Variants in NFASC observed in about 807,000 individuals in gnomAD.
NFASC encodes the protein neurofascin.
NFASC carries 43 observed loss-of-function variants against 147.5 expected under a neutral mutation model. The observed-to-expected ratio is 0.29, with a 90% confidence interval of 0.23 to 0.38. NFASC has a LOEUF of 0.38. NFASC is among the 10% of genes least tolerant of loss of function. NFASC has a pLI of 1.00. For synonymous variants in NFASC, 622 were observed against 665.5 expected, an observed-to-expected ratio of 0.93 and a Z score of 1.01; for missense variants, 1,320 against 1,689.0, an observed-to-expected ratio of 0.78 and a Z score of 3.83.
At chr1:204,882,274 T>A (rs2080402804) in intron 1 of NFASC, among the ~76,000 whole-genome samples, 1 of 151,934 alleles carries the variant, frequency 6.6e-6, no homozygotes, top group Admixed American at 6.6e-5. Context: ...CAGGCTCATC[T>A]CCATGGTATA....
rs71147722 is a variant in NFASC at position 204,936,204 on chromosome 1, C to CT, written c.-90-8007dup. 7.4e-3 allele frequency among the ~76,000 whole-genome samples: 898 copies of CT among 121,872 alleles called. 10 individuals carry two copies. The highest frequency in any genetic ancestry group is 0.038 in the Middle Eastern group (8 of 208). 80.0% of individuals were successfully genotyped at this position (121,872 alleles called of 152,430 possible). On this transcript the variant is annotated intron_variant, in intron 2 of 29. Transcript: ENST00000339876. ...ATTCCCTCTCTCTCTCTTTCTTTTT[C>CT]TTTTTTTTTTTTTTTGAGATGGAGT... is the stretch of plus-strand genomic sequence containing the variant.
chr1:204,873,286 C>T (rs564922121), intron 1 of NFASC, among the ~76,000 whole-genome samples: 1 of 152,240 alleles, frequency 6.6e-6, no homozygotes, highest in South Asian at 2.1e-4. Context: ...GGACCCTGGG[C>T]CAGCAGTGGT....
Position 204,853,366 on chromosome 1 carries a change from T to G in NFASC, c.-200+24584T>G, listed in dbSNP as rs574383808. ...AGCTCATATTTTTGTATGTTAATCC[T>G]CTTCAACTTTAGTTATTTCCTCTGT... is the stretch of plus-strand genomic sequence containing the variant. On this transcript the variant is annotated intron_variant, in intron 1 of 29. Coordinates refer to ENST00000339876, the MANE Select transcript of NFASC (RefSeq NM_001005388.3). 3.9e-5 allele frequency among the ~76,000 whole-genome samples: 6 copies of G among 152,332 alleles called. 1 individual carries two copies. The South Asian group carries it at 1.2e-3, about 32-fold the overall frequency.
chr1:204,958,873 G>T (rs1465578116), intron 8 of NFASC, among the ~76,000 whole-genome samples: 1 of 152,138 alleles, frequency 6.6e-6, no homozygotes, highest in African/African-American at 2.4e-5. Context: ...GAGAGGTTCA[G>T]GTGAGATCAC....
intron 17 of NFASC, among the ~76,000 whole-genome samples, chr1:204,978,680 G>A (rs942981390): frequency 1.8e-4 from 28 of 152,310 alleles, no homozygotes; most frequent in African/African-American, 4.8e-4. Context: ...CCACCAAGAC[G>A]GAATGGCGTT....
At position 204,985,819 on chromosome 1, in the gene NFASC, A is replaced by G. The variant is rs150543985; in HGVS notation, c.2471-1599A>G. 344 of 799,204 alleles carry G rather than the reference A, an allele frequency of 4.3e-4. 3 individuals carry two copies. The East Asian group carries it at 9.0e-3, about 21-fold the overall frequency. 49.5% of individuals were successfully genotyped at this position (799,204 alleles called of 1,614,324 possible). A position where few individuals can be genotyped will look rare whatever the true frequency, so the allele number is the denominator to read the frequency against. ...CATTTGGGACTTGGAGGCTGTAGCA[A>G]GCAAAGGAAAGACCGGTCACTACCA... On this transcript the variant is annotated intron_variant, in intron 21 of 29. Coordinates refer to ENST00000339876, the MANE Select transcript of NFASC (RefSeq NM_001005388.3).
chr1:204,883,111 T>C (rs1197622244), intron 1 of NFASC, among the ~76,000 whole-genome samples: 1 of 151,928 alleles, frequency 6.6e-6, no homozygotes, highest in African/African-American at 2.4e-5. Context: ...AAACAGTAGT[T>C]ACAAGGAAGG....
intron 2 of NFASC, among the ~76,000 whole-genome samples, chr1:204,931,533 A>G (rs748241819): frequency 8.5e-5 from 13 of 152,156 alleles, no homozygotes; most frequent in Non-Finnish European, 1.3e-4. Context: ...TTCTTGTAGT[A>G]CTATTCTAGT....
At chr1:204,834,730 A>C (rs192839583) in intron 1 of NFASC, among the ~76,000 whole-genome samples, 2 of 152,338 alleles carry the variant, frequency 1.3e-5, no homozygotes, top group East Asian at 3.9e-4. Flanking sequence ...CACAATAAAC[A>C]GAGTTAACAA....
At chr1:204,895,380 T>C (rs150558077) in intron 1 of NFASC, among the ~76,000 whole-genome samples, 7 of 152,354 alleles carry the variant, frequency 4.6e-5, no homozygotes, top group Admixed American at 2.6e-4. Context: ...AATTTCTTCC[T>C]TCTCTGAACT....
In NFASC at chr1:204,954,093, T is replaced by C. The variant is rs951157942; in HGVS notation, c.216-95T>C. 2 of 1,123,732 alleles carry C rather than the reference T, an allele frequency of 1.8e-6. No individual in the cohort carries two copies. Among genetic ancestry groups the C allele is most frequent in the African/African-American group, 3.1e-5 (2 of 64,906 alleles). The allele number at this position is 1,123,732 out of a possible 1,614,324, so 69.6% of individuals were successfully genotyped here. Reference sequence around the variant, plus strand: ...CACGATGGGACTGAGAGAGGGAATTTTGGTACTGAGCCAGGGACTAGGGAT... The same window carrying C: ...CACGATGGGACTGAGAGAGGGAATTCTGGTACTGAGCCAGGGACTAGGGAT... On this transcript the variant is annotated intron_variant, in intron 5 of 29. Transcript: ENST00000339876. The surrounding 1 kb of genome is among the most constrained non-coding windows in gnomAD (Gnocchi z 5.7).
Position 204,986,131 on chromosome 1 carries a change from G to C in NFASC, c.2471-1287G>C. 6.3e-7 allele frequency: 1 copy of C among 1,592,122 alleles called. No individual in the cohort carries two copies. Among genetic ancestry groups the C allele is most frequent in the Non-Finnish European group, 8.6e-7 (1 of 1,160,010 alleles). On this transcript the variant is annotated intron_variant, in intron 21 of 29. Coordinates refer to ENST00000339876, the MANE Select transcript of NFASC (RefSeq NM_001005388.3). This position sits in a 1 kb window ranked among gnomAD's most constrained non-coding sequence, Gnocchi z 4.2. Reference sequence around the variant, plus strand: ...CGGAAGGAGGTAGGTCTGGCCTGCAGCTCTTCAGGGTGGGGCAGGAGAAGG... The same window carrying C: ...CGGAAGGAGGTAGGTCTGGCCTGCACCTCTTCAGGGTGGGGCAGGAGAAGG...
At chr1:204,912,091 C>T (rs1364771897) in intron 1 of NFASC, among the ~76,000 whole-genome samples, 2 of 151,904 alleles carry the variant, frequency 1.3e-5, no homozygotes, top group Non-Finnish European at 2.9e-5. Flanking sequence ...CTTGTTGTTT[C>T]ATTGCTTTTT....
intron 1 of NFASC, among the ~76,000 whole-genome samples, chr1:204,869,190 G>A (rs577167042): frequency 1.3e-5 from 2 of 152,286 alleles, no homozygotes; most frequent in East Asian, 3.9e-4. Context: ...AGCTCAGTAT[G>A]AGCCAATAGT....
chr1:204,944,036 A>G (rs779370619), intron 2 of NFASC, among the ~76,000 whole-genome samples, 190 bp from the exon 3 acceptor site: 4 of 152,208 alleles, frequency 2.6e-5, no homozygotes, highest in Non-Finnish European at 5.9e-5. Context: ...TACAATACCC[A>G]GGACAGTTCC....
At chr1:204,844,134 A>C (rs928379979) in intron 1 of NFASC, among the ~76,000 whole-genome samples, 1 of 152,208 alleles carries the variant, frequency 6.6e-6, no homozygotes, top group African/African-American at 2.4e-5. Flanking sequence ...GCCCAGAACC[A>C]CACTGCCTGG....
intron 1 of NFASC, among the ~76,000 whole-genome samples, chr1:204,881,857 C>A (rs993459529): frequency 6.6e-6 from 1 of 152,168 alleles, no homozygotes; most frequent in Non-Finnish European, 1.5e-5. Context: ...GAACCCCCCA[C>A]CTTGGATATC....
chr1:204,862,680 G>A (rs1317199715), intron 1 of NFASC, among the ~76,000 whole-genome samples: 2 of 152,186 alleles, frequency 1.3e-5, no homozygotes, highest in East Asian at 3.8e-4. Context: ...CTTGGAACAA[G>A]CATCTCATCT....
intron 2 of NFASC, among the ~76,000 whole-genome samples, chr1:204,932,545 G>A (rs527247881): frequency 1.1e-4 from 16 of 152,166 alleles, no homozygotes; most frequent in Non-Finnish European, 2.4e-4. Flanking sequence ...TTCACAAAGT[G>A]GGGAGAAAGA....
Sources: allele counts gnomAD v4.1 joint callset (sites outside exome capture counted in the v4.1 genomes callset), GRCh38; gene constraint gnomAD v4.1.1; non-coding constraint Gnocchi (gnomAD v3.1); transcripts MANE v1.5; gene names NCBI Gene and HGNC (gene_info 2026-07-23, HGNC 2026-07-21).